Variants in PCDH15 observed in about 807,000 individuals in gnomAD.
PCDH15 encodes protocadherin-15.
Under a neutral mutation model 178.5 loss-of-function variants are expected in PCDH15, and 129 were observed. That is an observed-to-expected ratio of 0.72 (90% CI 0.63 to 0.84). PCDH15 has a LOEUF of 0.84. Among genes scored for constraint, PCDH15 ranks in the 40% least tolerant of loss-of-function variants. PCDH15 has a pLI of 0.00. For missense variants in PCDH15, 2,230 were observed against 2,099.9 expected, an observed-to-expected ratio of 1.06 and a Z score of -1.21; for synonymous variants, 800 against 732.0, an observed-to-expected ratio of 1.09 and a Z score of -1.50.
rs536231925 is a variant in PCDH15 at position 54,592,338 on chromosome 10, T to G, written c.92-64461A>C. ...TTCCCTTCCTTCCTCCTTTCCTTTC[T>G]TCCTTCGACTTCCTTCCTGACTTCC... On this transcript the variant is annotated intron_variant, in intron 2 of 37. Transcript: ENST00000644397. Among the ~76,000 whole-genome samples the G allele has an allele frequency of 8.6e-5, 13 of 151,904 alleles. No individual in the cohort carries two copies. The South Asian group carries it at 2.7e-3, about 32-fold the overall frequency.
chr10:54,586,856 T>C (rs1469314213), intron 2 of PCDH15, among the ~76,000 whole-genome samples: 1 of 152,176 alleles, frequency 6.6e-6, no homozygotes, highest in Non-Finnish European at 1.5e-5. Flanking sequence ...AAAATGGTGA[T>C]ATTAGAAACA....
intron 7 of PCDH15, among the ~76,000 whole-genome samples, chr10:54,317,977 G>C (rs7922586): frequency 6.6e-6 from 1 of 151,934 alleles, no homozygotes; most frequent in African/African-American, 2.4e-5. Flanking sequence ...TTACCTAACA[G>C]TTCACATTAC....
At chr10:55,312,947 T>C (rs1424114834) in intron 1 of PCDH15, among the ~76,000 whole-genome samples, 1 of 152,170 alleles carries the variant, frequency 6.6e-6, no homozygotes, top group Non-Finnish European at 1.5e-5. Context: ...GTCCATATTA[T>C]GGTATGCTGA....
At chr10:54,538,371 T>C (rs200731821) in intron 2 of PCDH15, among the ~76,000 whole-genome samples, 25,408 of 152,048 alleles carry the variant, frequency 0.17, 2,871 homozygotes, top group East Asian at 0.36. Flanking sequence ...TAGGGGGTAC[T>C]TTCCCCATTC....
chr10:55,439,116 G>A (rs1467364485), intron 2 of PCDH15, among the ~76,000 whole-genome samples: 2 of 151,986 alleles, frequency 1.3e-5, no homozygotes, highest in South Asian at 2.1e-4. Flanking sequence ...TATTAGCCAA[G>A]ATGGTCTCGA....
intron 2 of PCDH15, among the ~76,000 whole-genome samples, chr10:55,369,594 G>A (rs899446740): frequency 6.6e-6 from 1 of 151,944 alleles, no homozygotes; most frequent in Non-Finnish European, 1.5e-5. Flanking sequence ...AATCTAAAAT[G>A]CAACAGAATA....
chr10:54,505,627 C>T (rs762306899), intron 3 of PCDH15, among the ~76,000 whole-genome samples: 2 of 151,986 alleles, frequency 1.3e-5, no homozygotes, highest in East Asian at 3.9e-4. Context: ...AGGGGAACAT[C>T]ACACACTGGG....
chr10:55,208,558 C>T (rs1840470550), intron 1 of PCDH15, among the ~76,000 whole-genome samples: 1 of 151,824 alleles, frequency 6.6e-6, no homozygotes, highest in African/African-American at 2.4e-5. Flanking sequence ...ATATCTTTTC[C>T]CAATATTGGG....
chr10:55,052,971 G>A (rs185614716), intron 2 of PCDH15, among the ~76,000 whole-genome samples: 5 of 152,106 alleles, frequency 3.3e-5, no homozygotes, highest in Admixed American at 1.3e-4. Flanking sequence ...TTCAGGGAAG[G>A]ACTGTCTATA....
rs188448807 is a variant in PCDH15, at chr10:54,309,936, G to T, written c.876+7335C>A. ...GTAAATGAACACACTGTAATGAAGAGTTTAATATTTATAGTAGGAATAAAT... is the reference window on the plus strand; with the variant it reads ...GTAAATGAACACACTGTAATGAAGATTTTAATATTTATAGTAGGAATAAAT... On this transcript the variant is annotated intron_variant, in intron 8 of 37. Transcript: ENST00000644397. Among the ~76,000 whole-genome samples, 457 of 152,198 alleles carry T rather than the reference G, an allele frequency of 3.0e-3. 4 individuals carry two copies. The highest frequency in any genetic ancestry group is 0.011 in the African/African-American group (445 of 41,536).
intron 2 of PCDH15, among the ~76,000 whole-genome samples, chr10:55,481,702 T>G (rs187535216): frequency 6.6e-6 from 1 of 151,904 alleles, no homozygotes; most frequent in Non-Finnish European, 1.5e-5. Context: ...TGAGAGACTG[T>G]TTGTTATTAT....
chr10:54,177,114 T>A (rs1170504570), intron 13 of PCDH15, among the ~76,000 whole-genome samples: 1 of 152,174 alleles, frequency 6.6e-6, no homozygotes, highest in African/African-American at 2.4e-5. Flanking sequence ...TATGGGCTAT[T>A]ATGTCATGAA....
intron 1 of PCDH15, among the ~76,000 whole-genome samples, chr10:55,197,028 T>G (rs914758355): frequency 6.6e-6 from 1 of 152,000 alleles, no homozygotes; most frequent in African/African-American, 2.4e-5. Flanking sequence ...TTTTTTTAAA[T>G]AGTTACTTAA....
At chr10:54,925,473 T>A (rs1393369880) in intron 2 of PCDH15, among the ~76,000 whole-genome samples, 1 of 152,198 alleles carries the variant, frequency 6.6e-6, no homozygotes. Context: ...TCATTATAGT[T>A]CTTTGAGGAA....
In PCDH15 at chr10:55,245,227, C is replaced by A. The variant is rs1014980700; in HGVS notation, c.-156+74372G>T. Among the ~76,000 whole-genome samples, 4 of 152,170 alleles carry A rather than the reference C, an allele frequency of 2.6e-5. No individual in the cohort carries two copies. The South Asian group carries it at 8.3e-4, about 32-fold the overall frequency. On this transcript the variant is annotated intron_variant, in intron 1 of 5. Coordinates refer to the PCDH15 transcript ENST00000458638. The stretch of plus-strand genomic sequence containing the variant: ...AAACATGAGTTTAAAGATAAATTCT[C>A]TTCACTTGTCTTCACTTAGAAACAT...
At chr10:54,149,210 G>A (rs2044273984) in intron 14 of PCDH15, among the ~76,000 whole-genome samples, 2 of 151,924 alleles carry the variant, frequency 1.3e-5, no homozygotes, top group African/African-American at 4.8e-5. Context: ...AGAAAGCCCA[G>A]AATTTACCTT....
chr10:54,278,821 G>A (rs2058500651), intron 8 of PCDH15, among the ~76,000 whole-genome samples: 1 of 151,476 alleles, frequency 6.6e-6, no homozygotes, highest in Non-Finnish European at 1.5e-5. Context: ...CTTTTATCAG[G>A]TTATTCTATT....
intron 2 of PCDH15, among the ~76,000 whole-genome samples, chr10:55,609,042 A>ACG (rs1427710827): frequency 6.6e-5 from 10 of 151,746 alleles, no homozygotes; most frequent in South Asian, 2.1e-4. Context: ...ACACACACAC[A>ACG]CACGCACACA....
intron 1 of PCDH15, among the ~76,000 whole-genome samples, chr10:54,758,089 A>T (rs1947400307): frequency 6.6e-6 from 1 of 152,258 alleles, no homozygotes; most frequent in African/African-American, 2.4e-5. Flanking sequence ...TGCTTTTGGT[A>T]TAAATTTACC....
Sources: allele counts gnomAD v4.1 joint callset (sites outside exome capture counted in the v4.1 genomes callset), GRCh38; gene constraint gnomAD v4.1.1; transcripts MANE v1.5; gene names NCBI Gene and HGNC (gene_info 2026-07-23, HGNC 2026-07-21).